Variants in CABCOCO1 observed in about 807,000 individuals in gnomAD.
CABCOCO1 encodes the protein ciliary-associated calcium-binding coiled-coil protein 1.
Under a neutral mutation model 35.7 loss-of-function variants are expected in CABCOCO1, and 28 were observed. The ratio of observed to expected loss-of-function variants is 0.78; its 90% CI spans 0.58 to 1.07. The LOEUF is 1.07. CABCOCO1 is among the 50% of genes least tolerant of loss of function. The pLI, the probability that CABCOCO1 is intolerant of heterozygous loss-of-function variation, is 0.00. For synonymous variants in CABCOCO1, 95 were observed against 100.1 expected (o/e 0.95, Z 0.30); for missense variants, 326 against 309.2 (o/e 1.05, Z -0.41).
intron 5 of CABCOCO1, among the ~76,000 whole-genome samples, chr10:61,754,437 G>A (rs943489131): frequency 6.6e-6 from 1 of 152,018 alleles, no homozygotes; most frequent in Non-Finnish European, 1.5e-5. Flanking sequence ...TGATTCATTA[G>A]AGAGGATTTT....
rs907683658 is a variant in CABCOCO1 at position 61,701,882 on chromosome 10, AGAG to A, written c.552+11262_552+11264del. The A allele has an allele frequency of 1.1e-4, 95 of 871,296 alleles. No individual in the cohort carries two copies. The African/African-American group carries it at 1.7e-3, about 16-fold the overall frequency. 54.0% of individuals were successfully genotyped at this position (871,296 alleles called of 1,614,324 possible). A position where few individuals can be genotyped will look rare whatever the true frequency, so the allele number is the denominator to read the frequency against. On this transcript the variant is annotated intron_variant, in intron 5 of 7. Coordinates refer to ENST00000648843, the MANE Select transcript of CABCOCO1 (RefSeq NM_001366906.2). ...ATCTAAAGGACTAGCAAGATAAAGA[AGAG>A]ATTTGTCTTGTCTGCATAACTCCCA... is the stretch of plus-strand genomic sequence containing the variant.
chr10:61,689,180 T>C (rs1840056351), intron 4 of CABCOCO1, among the ~76,000 whole-genome samples: 1 of 152,214 alleles, frequency 6.6e-6, no homozygotes, highest in Non-Finnish European at 1.5e-5. Context: ...GTTTCCAAAA[T>C]ACTCTATAGT....
chr10:61,702,131 A>T (rs562122713), intron 5 of CABCOCO1, among the ~76,000 whole-genome samples: 28 of 152,328 alleles, frequency 1.8e-4, no homozygotes, highest in African/African-American at 6.5e-4. Context: ...AATAGGTTAC[A>T]TCTTCATTGA....
intron 1 of CABCOCO1, among the ~76,000 whole-genome samples, chr10:61,669,088 C>G (rs1839280966): frequency 6.7e-6 from 1 of 149,418 alleles, no homozygotes; most frequent in Non-Finnish European, 1.5e-5. Context: ...GACTAGGAAA[C>G]TTCTCTTTAG....
chr10:61,678,006 T>A (rs1263929383), intron 2 of CABCOCO1, among the ~76,000 whole-genome samples: 1 of 152,030 alleles, frequency 6.6e-6, no homozygotes, highest in Non-Finnish European at 1.5e-5. Flanking sequence ...TATATTTTTT[T>A]AATTAAAGTT....
At chr10:61,718,901 T>G (rs1285511636) in intron 5 of CABCOCO1, among the ~76,000 whole-genome samples, 1 of 152,194 alleles carries the variant, frequency 6.6e-6, no homozygotes, top group Non-Finnish European at 1.5e-5. Flanking sequence ...ACGTACATCT[T>G]CTAGGTGCTT....
chr10:61,755,132 GATTA>G (rs1289641031), intron 5 of CABCOCO1, among the ~76,000 whole-genome samples: 3 of 152,062 alleles, frequency 2.0e-5, no homozygotes, highest in Non-Finnish European at 4.4e-5. Flanking sequence ...TTTAAAAATG[GATTA>G]ATTAGTTTCT....
intron 5 of CABCOCO1, among the ~76,000 whole-genome samples, chr10:61,753,461 G>A (rs1841834881): frequency 6.6e-6 from 1 of 152,114 alleles, no homozygotes; most frequent in Non-Finnish European, 1.5e-5. Context: ...AAAGTACAAT[G>A]CTGAATTTAG....
chr10:61,726,886 C>G (rs529608876), intron 5 of CABCOCO1, among the ~76,000 whole-genome samples: 1 of 148,072 alleles, frequency 6.8e-6, no homozygotes, highest in African/African-American at 2.5e-5. Context: ...GGCAAAACCC[C>G]GTCTCTACAG....
At chr10:61,700,354 G>A (rs1840417281) in intron 5 of CABCOCO1, among the ~76,000 whole-genome samples, 1 of 151,868 alleles carries the variant, frequency 6.6e-6, no homozygotes, top group Admixed American at 6.6e-5. Flanking sequence ...ATAAGAAAAA[G>A]GTTACCACAC....
rs529217319 is a variant in CABCOCO1, at chr10:61,701,630, C to T, written c.552+11009C>T. On this transcript the variant is annotated intron_variant, in intron 5 of 7. Transcript: ENST00000648843. ...TGTTTCCATTCTCTGATTACAAACC[C>T]GCAGAATCCATTAATAATCCACACT... is the stretch of plus-strand genomic sequence containing the variant. 2.5e-5 allele frequency: 25 copies of T among 984,676 alleles called. No individual in the cohort carries two copies. The South Asian group carries it at 7.5e-4, about 30-fold the overall frequency. The allele number at this position is 984,676 out of a possible 1,614,324, so 61.0% of individuals were successfully genotyped here.
rs1466686231 is a variant in CABCOCO1 at position 61,662,992 on chromosome 10, C to A, written c.20C>A (p.Pro7His). Residue 7 changes from proline (P) to histidine (H), a missense_variant, in exon 1 of 8, where the codon CCC becomes CAC. By Grantham distance (77) the Pro-to-His change is moderately conservative. Transcript: ENST00000648843. ...GCGGCGATGTCGCAGGGGACGACTCCCTGGGGGCCGACCCCGGCGGGAACC... is the reference window on the plus strand; with the variant it reads ...GCGGCGATGTCGCAGGGGACGACTCACTGGGGGCCGACCCCGGCGGGAACC... The part of the protein sequence containing the change: MSQGTT[P>H]WGPTPAGTTP... 5.2e-6 allele frequency: 2 copies of A among 381,724 alleles called. No individual in the cohort carries two copies. The highest frequency in any genetic ancestry group is 5.5e-6 in the Non-Finnish European group (1 of 181,492). The allele number at this position is 381,724 out of a possible 1,614,324, so 23.6% of individuals were successfully genotyped here. A position where few individuals can be genotyped will look rare whatever the true frequency, so the allele number is the denominator to read the frequency against.
chr10:61,708,531 G>A (rs1301687163), intron 5 of CABCOCO1, among the ~76,000 whole-genome samples: 1 of 152,098 alleles, frequency 6.6e-6, no homozygotes, highest in East Asian at 1.9e-4. Context: ...CAGATTTCTA[G>A]TGTCTAGAGA....
intron 5 of CABCOCO1, among the ~76,000 whole-genome samples, chr10:61,698,168 A>G (rs1032658548): frequency 1.3e-5 from 2 of 152,198 alleles, no homozygotes; most frequent in African/African-American, 4.8e-5. Context: ...GTGTTTGGAT[A>G]TAAAAACATA....
At chr10:61,720,369 G>A (rs1022473757) in intron 5 of CABCOCO1, among the ~76,000 whole-genome samples, 3 of 152,092 alleles carry the variant, frequency 2.0e-5, no homozygotes, top group Non-Finnish European at 2.9e-5. Flanking sequence ...ACAGGATTTT[G>A]GAAGAAAAGA....
At chr10:61,738,252 A>G (rs540382914) in intron 5 of CABCOCO1, among the ~76,000 whole-genome samples, 1 of 152,240 alleles carries the variant, frequency 6.6e-6, no homozygotes, top group Non-Finnish European at 1.5e-5. Context: ...TACTCTCCCA[A>G]AAGAGACAGG....
chr10:61,763,399 G>C (rs1413622927), intron 7 of CABCOCO1, among the ~76,000 whole-genome samples: 8 of 151,980 alleles, frequency 5.3e-5, no homozygotes, highest in Non-Finnish European at 7.4e-5. Context: ...TCTTGGCCCT[G>C]AGATGTTAAT....
intron 5 of CABCOCO1, among the ~76,000 whole-genome samples, chr10:61,696,013 C>T (rs538502418): frequency 4.6e-5 from 7 of 151,880 alleles, no homozygotes; most frequent in Non-Finnish European, 1.5e-5. Flanking sequence ...GCAAGTGAAA[C>T]GGGACAGATT....
intron 5 of CABCOCO1, among the ~76,000 whole-genome samples, chr10:61,745,954 A>G (rs553135322): frequency 3.7e-4 from 56 of 152,336 alleles, no homozygotes; most frequent in Non-Finnish European, 5.3e-4. Context: ...CTCTTACCAC[A>G]AAGCCTATCT....
Sources: gnomAD v4.1 joint callset for allele counts (sites outside exome capture counted in the v4.1 genomes callset) on GRCh38, gnomAD v4.1.1 for gene constraint, MANE v1.5 for transcripts, NCBI Gene and HGNC (gene_info 2026-07-23, HGNC 2026-07-21) for gene names.